The following ZAR1 variants were observed in gnomAD, a reference collection of about 807,000 sequenced individuals.
ZAR1 encodes zygote arrest 1, also known as zygote arrest protein 1.
Under a neutral mutation model 38.3 loss-of-function variants are expected in ZAR1, and 37 were observed. The observed-to-expected ratio is 0.97, with a 90% confidence interval of 0.74 to 1.27. The LOEUF is 1.27. ZAR1 is among the 50% of genes most tolerant of loss of function. ZAR1 has a pLI of 0.00. For synonymous variants in ZAR1, 336 were observed against 292.0 expected (o/e 1.15, Z -1.53); for missense variants, 651 against 632.4 (o/e 1.03, Z -0.32).
chr4:48,493,087 C>T (rs1390915929), intron 3 of ZAR1, 75 bp downstream of exon 3: 2 of 1,373,710 alleles, frequency 1.5e-6, no homozygotes, highest in African/African-American at 1.4e-5. Flanking sequence ...AGTATACTTC[C>T]AAAAAGAGGC....
chr4:48,493,316 T>C (rs1269900634), intron 3 of ZAR1, among the ~76,000 whole-genome samples: 1 of 152,248 alleles, frequency 6.6e-6, no homozygotes, highest in Non-Finnish European at 1.5e-5. Flanking sequence ...AAAACATGCT[T>C]GTCAGCTAAC....
intron 1 of ZAR1, 136 bp downstream of exon 1, chr4:48,491,390 C>A: frequency 1.7e-6 from 1 of 592,004 alleles, no homozygotes; most frequent in African/African-American, 1.9e-5. Context: ...ATTTCCGAGA[C>A]AGCCAATGAC....
chr4:48,492,943 C>G lies in ZAR1; in HGVS notation c.1062C>G (p.Tyr354Ter), dbSNP rs1406516194. The G allele has an allele frequency of 6.2e-7, 1 of 1,614,208 alleles. No homozygotes were observed. The highest frequency in any genetic ancestry group is 1.7e-5 in the Admixed American group (1 of 60,026). ...TATCCTCTTTGTCATCACAGGTTTA[C>G]TTCAAACAGTTTTGCAGAACTTGTC... ...VWCVQGTNKV[Y>*]FKQFCRTCQK... Residue 354 changes from tyrosine (Y) to a stop codon, truncating the protein, a stop_gained, in exon 3 of 4, where the codon TAC becomes TAG. Coordinates refer to ENST00000327939, the MANE Select transcript of ZAR1 (RefSeq NM_175619.3). LOFTEE classifies it high-confidence loss of function.
intron 1 of ZAR1, 95 bp from the exon 2 acceptor site, chr4:48,492,671 G>T (rs1441311082): frequency 8.1e-7 from 1 of 1,232,558 alleles, no homozygotes; most frequent in East Asian, 2.3e-5. Flanking sequence ...ATCTGAAGTT[G>T]CCAATTTCAA....
Position 48,490,690 on chromosome 4 carries a change from C to G in ZAR1, c.399C>G (p.Asp133Glu). 1 of 1,314,944 alleles carries G rather than the reference C, an allele frequency of 7.6e-7. No homozygotes were observed. Among genetic ancestry groups the G allele is most frequent in the Non-Finnish European group, 9.6e-7 (1 of 1,036,850 alleles). 81.5% of individuals were successfully genotyped at this position (1,314,944 alleles called of 1,614,324 possible). A position where few individuals can be genotyped will look rare whatever the true frequency, so the allele number is the denominator to read the frequency against. Reference protein sequence around the residue: ...GRRTLQRRARDPESPAGPGAE... With the variant: ...GRRTLQRRAREPESPAGPGAE... ...GCACGCTGCAGCGCCGGGCCCGCGA[C>G]CCCGAGTCCCCGGCCGGCCCCGGGG... is the stretch of plus-strand genomic sequence containing the variant. Residue 133 changes from aspartate to glutamate, a missense_variant, in exon 1 of 4, where the codon GAC becomes GAG. By Grantham distance (45) the Asp-to-Glu change is conservative. Transcript: ENST00000327939.
At position 48,490,455 on chromosome 4, in the gene ZAR1, C is replaced by T. The variant is rs1205766240; in HGVS notation, c.164C>T (p.Ser55Leu). 6.8e-7 allele frequency: 1 copy of T among 1,465,652 alleles called. No homozygotes were observed. Among genetic ancestry groups the T allele is most frequent in the South Asian group, 1.3e-5 (1 of 74,414 alleles). The allele number at this position is 1,465,652 out of a possible 1,614,324, so 90.8% of individuals were successfully genotyped here. The change falls in exon 1 of 4, where the codon TCG (serine) becomes TTG (leucine). Residue 55 changes from serine to leucine, a missense_variant. Around this residue, in one of 2 missense-constraint regions of ZAR1, gnomAD observed 522 missense variants for 459.9 expected, o/e 1.14. Transcript: ENST00000327939. ...TGCCTTCCCGCCTCCTCCCCCTGCT[C>T]GGCGGGCGCGGCCTCGTTGTCCTTC... ...RGCLPASSPC[S>L]AGAASLSFPG...
In ZAR1 at chr4:48,490,629, G is replaced by A. The variant is rs1457966136; in HGVS notation, c.338G>A (p.Arg113His). Residue 113 changes from arginine (R) to histidine (H), a missense_variant, in exon 1 of 4, where the codon CGC becomes CAC. Arg to His is a conservative substitution (Grantham distance 29, BLOSUM62 0). This residue lies in a region of ZAR1 where 522 missense variants were observed against 459.9 expected (regional missense o/e 1.14). Coordinates refer to ENST00000327939, the MANE Select transcript of ZAR1 (RefSeq NM_175619.3). ...SCDVAVQVSP[R>H]IDAAVQCSLG... Reference sequence around the variant, plus strand: ...GACGTGGCGGTGCAGGTGAGCCCGCGCATCGACGCCGCGGTACAGTGCTCG... The same window carrying A: ...GACGTGGCGGTGCAGGTGAGCCCGCACATCGACGCCGCGGTACAGTGCTCG... The A allele has an allele frequency of 7.4e-7, 1 of 1,357,904 alleles. No homozygotes were observed. Among genetic ancestry groups the A allele is most frequent in the Non-Finnish European group, 9.4e-7 (1 of 1,065,070 alleles). 84.1% of individuals were successfully genotyped at this position (1,357,904 alleles called of 1,614,324 possible).
Position 48,494,362 on chromosome 4 carries a change from G to T in ZAR1, c.*118G>T, listed in dbSNP as rs1163216804. ...ATGAAAGGCAGTGTATTCTGAAAAAGCCTTCAAATAAAGGTATTGCAACAC... is the reference window on the plus strand; with the variant it reads ...ATGAAAGGCAGTGTATTCTGAAAAATCCTTCAAATAAAGGTATTGCAACAC... On this transcript the variant is annotated 3_prime_UTR_variant, in exon 4 of 4. Coordinates refer to ENST00000327939, the MANE Select transcript of ZAR1 (RefSeq NM_175619.3). 3 of 1,348,104 alleles carry T rather than the reference G, an allele frequency of 2.2e-6. No individual in the cohort carries two copies. Among genetic ancestry groups the T allele is most frequent in the Non-Finnish European group, 2.1e-6 (2 of 975,088 alleles). 83.5% of individuals were successfully genotyped at this position (1,348,104 alleles called of 1,614,324 possible).
chr4:48,494,449 C>T, downstream of ZAR1: 1 of 632,596 alleles, frequency 1.6e-6, no homozygotes, highest in Admixed American at 3.1e-5. Context: ...TTGTCTTGTG[C>T]TAACAGTCTG....
chr4:48,491,445 A>G (rs1305766753), intron 1 of ZAR1, among the ~76,000 whole-genome samples, 191 bp downstream of exon 1: 8 of 152,202 alleles, frequency 5.3e-5, no homozygotes, highest in African/African-American at 1.9e-4. Flanking sequence ...TGTCCCCGAC[A>G]TCCAGACTTA....
chr4:48,490,909 CG>C lies in ZAR1; in HGVS notation c.622del (p.Ala208ArgfsTer71). 1.5e-6 allele frequency: 2 copies of C among 1,365,488 alleles called. No homozygotes were observed. Among genetic ancestry groups the C allele is most frequent in the South Asian group, 1.7e-5 (1 of 58,852 alleles). 84.6% of individuals were successfully genotyped at this position (1,365,488 alleles called of 1,614,324 possible). A position where few individuals can be genotyped will look rare whatever the true frequency, so the allele number is the denominator to read the frequency against. ...GGCCCGCGGCGGGCGAGCAGAGGTC[CG>C]GGGCGTCGGACGGAGAGAGGGGGCC... ...PGPAAGEQRS[G>X]ASDGERGPPP... On this transcript the variant is annotated frameshift_variant, in exon 1 of 4. Transcript: ENST00000327939. LOFTEE classifies it high-confidence loss of function.
At chr4:48,495,332 C>T (rs910221973), downstream of ZAR1, among the ~76,000 whole-genome samples, 89 of 152,214 alleles carry the variant, frequency 5.8e-4, 2 homozygotes, top group African/African-American at 2.1e-3. Context: ...AAACATCCCA[C>T]TTAAGTGAAC....
chr4:48,492,175 A>G (rs1452580507), intron 1 of ZAR1, among the ~76,000 whole-genome samples: 1 of 152,220 alleles, frequency 6.6e-6, no homozygotes, highest in African/African-American at 2.4e-5. Context: ...AGTGCTCCCC[A>G]GAGTTCCTTC....
chr4:48,494,707 T>C (rs1718539836), downstream of ZAR1, among the ~76,000 whole-genome samples: 1 of 151,698 alleles, frequency 6.6e-6, no homozygotes, highest in South Asian at 2.1e-4. Flanking sequence ...AAAAGCTGCC[T>C]AGCTGTAACA....
Position 48,490,680 on chromosome 4 carries a change from G to A in ZAR1, c.389G>A (p.Arg130Gln), listed in dbSNP as rs1277894009. ...CSLGRRTLQRRARDPESPAGP... is the reference protein window; with the variant it reads ...CSLGRRTLQRQARDPESPAGP... ...CTGGGGAGGCGCACGCTGCAGCGCC[G>A]GGCCCGCGACCCCGAGTCCCCGGCC... is the stretch of plus-strand genomic sequence containing the variant. The change falls in exon 1 of 4, where the codon CGG (arginine) becomes CAG (glutamine). Residue 130 changes from arginine (R) to glutamine (Q), a missense_variant. Arg to Gln is a conservative substitution (Grantham distance 43, BLOSUM62 1). Coordinates refer to ENST00000327939, the MANE Select transcript of ZAR1 (RefSeq NM_175619.3). 9 of 1,314,470 alleles carry A rather than the reference G, an allele frequency of 6.8e-6. No homozygotes were observed. The African/African-American group carries it at 9.3e-5, about 14-fold the overall frequency. 81.4% of individuals were successfully genotyped at this position (1,314,470 alleles called of 1,614,324 possible). A position where few individuals can be genotyped will look rare whatever the true frequency, so the allele number is the denominator to read the frequency against.
chr4:48,492,328 G>C (rs1718465751), intron 1 of ZAR1, among the ~76,000 whole-genome samples: 1 of 152,206 alleles, frequency 6.6e-6, no homozygotes, highest in South Asian at 2.1e-4. Context: ...TGGCACCACT[G>C]TTTGGGAGTT....
At position 48,490,873 on chromosome 4, in the gene ZAR1, G is replaced by T; in HGVS notation, c.582G>T (p.Leu194=). Residue 194 remains leucine, a synonymous_variant, in exon 1 of 4, where the codon CTG becomes CTT. Transcript: ENST00000327939. ...PLALRRLTAF[L]EGPGPAAGEQ... ...CCTTGCGCCGTCTCACCGCCTTCCT[G>T]GAGGGGCCCGGGCCCGCGGCGGGCG... The T allele has an allele frequency of 7.0e-7, 1 of 1,438,338 alleles. No homozygotes were observed. Among genetic ancestry groups the T allele is most frequent in the Non-Finnish European group, 9.1e-7 (1 of 1,099,590 alleles). 89.1% of individuals were successfully genotyped at this position (1,438,338 alleles called of 1,614,324 possible). A position where few individuals can be genotyped will look rare whatever the true frequency, so the allele number is the denominator to read the frequency against.
chr4:48,496,144 T>C (rs761094047), downstream of ZAR1, among the ~76,000 whole-genome samples: 2 of 152,112 alleles, frequency 1.3e-5, 1 homozygote, highest in Admixed American at 1.3e-4. Context: ...TGGTGGCATA[T>C]AGATTAAAAA....
chr4:48,491,275 G>C (rs927151333), intron 1 of ZAR1, 21 bp downstream of exon 1: 11 of 1,231,394 alleles, frequency 8.9e-6, no homozygotes, highest in Non-Finnish European at 1.1e-5. Context: ...GGGCGGTCAG[G>C]GCACAGGGGA....
Sources: gnomAD v4.1 joint callset for allele counts (sites outside exome capture counted in the v4.1 genomes callset) on GRCh38, gnomAD v4.1.1 for gene constraint, gnomAD v4.1.1 regional missense constraint, MANE v1.5 for transcripts, NCBI Gene and HGNC (gene_info 2026-07-23, HGNC 2026-07-21) for gene names.